The following CAMTA1 variants were observed in gnomAD, a reference collection of about 807,000 sequenced individuals.
The protein encoded by CAMTA1 is calmodulin-binding transcription activator 1.
CAMTA1 carries 27 observed loss-of-function variants against 170.9 expected under a neutral mutation model. That is an observed-to-expected ratio of 0.16 (90% CI 0.12 to 0.22). The LOEUF (loss-of-function observed/expected upper bound fraction) is 0.22, where lower values mean the gene tolerates loss of function less well. Among genes scored for constraint, CAMTA1 ranks in the 10% least tolerant of loss-of-function variants. The pLI is 1.00. For missense variants in CAMTA1, 1,619 were observed against 2,217.2 expected (o/e 0.73, Z 5.42); for synonymous variants, 833 against 891.5 (o/e 0.93, Z 1.17).
intron 5 of CAMTA1, among the ~76,000 whole-genome samples, chr1:7,338,715 G>T (rs1475406722): frequency 6.6e-6 from 1 of 152,208 alleles, no homozygotes; most frequent in Non-Finnish European, 1.5e-5. Flanking sequence ...AGTGGGGAAG[G>T]TGCCTGTGCA....
chr1:7,418,280 C>T (rs2091332877), intron 5 of CAMTA1, among the ~76,000 whole-genome samples: 1 of 152,208 alleles, frequency 6.6e-6, no homozygotes, highest in Non-Finnish European at 1.5e-5. Flanking sequence ...ACTGCAACCT[C>T]CACCTCCCAG....
rs1334849955 is a variant in CAMTA1, at chr1:7,013,461, CT to C, written c.235-77841del. 3.3e-5 allele frequency among the ~76,000 whole-genome samples: 5 copies of C among 152,244 alleles called. No individual in the cohort carries two copies. In the East Asian group the frequency reaches 9.7e-4, roughly 29 times the overall value. On this transcript the variant is annotated intron_variant, in intron 3 of 22. Transcript: ENST00000303635. ...CTCCTGGTCTCAAGTGATCCACCCA[CT>C]TCAGTCTCTCAAAGTGCTGGGATTA...
At chr1:7,513,196 C>A (rs1019096699) in intron 6 of CAMTA1, among the ~76,000 whole-genome samples, 1 of 152,004 alleles carries the variant, frequency 6.6e-6, no homozygotes, top group Non-Finnish European at 1.5e-5. Context: ...GAGAAGCGGC[C>A]GATTCTGGGC....
At chr1:7,061,776 G>T (rs1708252292) in intron 3 of CAMTA1, among the ~76,000 whole-genome samples, 1 of 151,840 alleles carries the variant, frequency 6.6e-6, no homozygotes, top group Admixed American at 6.6e-5. Context: ...AGTAGGGGCA[G>T]TGGCAGCAGA....
intron 3 of CAMTA1, among the ~76,000 whole-genome samples, chr1:6,938,887 G>A (rs545198346): frequency 4.6e-5 from 7 of 152,318 alleles, no homozygotes; most frequent in African/African-American, 1.7e-4. Context: ...AGATGGAGAC[G>A]TGTCACATTC....
chr1:6,837,309 G>A (rs937549143), intron 3 of CAMTA1, among the ~76,000 whole-genome samples: 1 of 152,090 alleles, frequency 6.6e-6, no homozygotes, highest in African/African-American at 2.4e-5. Flanking sequence ...AGGACAAGGC[G>A]CCGAGGTGCC....
In CAMTA1 at chr1:6,887,587, T is replaced by G. The variant is rs1571393600; in HGVS notation, c.234+62377T>G. The G allele has an allele frequency of 2.0e-6, 3 of 1,523,288 alleles. No homozygotes were observed. The highest frequency in any genetic ancestry group is 4.9e-5 in the East Asian group (2 of 40,668). 94.4% of individuals were successfully genotyped at this position (1,523,288 alleles called of 1,614,324 possible). A position where few individuals can be genotyped will look rare whatever the true frequency, so the allele number is the denominator to read the frequency against. On this transcript the variant is annotated intron_variant, in intron 3 of 22. Transcript: ENST00000303635. This position sits in a 1 kb window ranked among gnomAD's most constrained non-coding sequence, Gnocchi z 4.1. ...TCTCTGCCTCTGGAAATGGGGCAAA[T>G]TTTTCTTCAGTTAAAAACAGAAATA...
intron 3 of CAMTA1, among the ~76,000 whole-genome samples, chr1:6,958,262 C>T (rs188526098): frequency 6.6e-6 from 1 of 152,302 alleles, no homozygotes; most frequent in Admixed American, 6.5e-5. Context: ...TAACAGTTTT[C>T]AAAATAAACG....
intron 9 of CAMTA1, among the ~76,000 whole-genome samples, chr1:7,669,236 G>T (rs555960341): frequency 6.6e-6 from 1 of 152,382 alleles, no homozygotes; most frequent in South Asian, 2.1e-4. Context: ...CCAGGCTCAT[G>T]CAAGAGCAGG....
intron 5 of CAMTA1, among the ~76,000 whole-genome samples, chr1:7,436,750 G>T (rs2092360962): frequency 6.6e-6 from 1 of 152,154 alleles, no homozygotes; most frequent in Non-Finnish European, 1.5e-5. Context: ...TTATTAACTT[G>T]TAGTCCCTCG....
chr1:7,083,336 A>G (rs938256220), intron 3 of CAMTA1, among the ~76,000 whole-genome samples: 12 of 152,252 alleles, frequency 7.9e-5, no homozygotes, highest in Admixed American at 3.9e-4. Context: ...GTTGCATTCC[A>G]TGCAAATAAA....
intron 5 of CAMTA1, among the ~76,000 whole-genome samples, chr1:7,418,407 C>T (rs1165868570): frequency 6.6e-6 from 1 of 152,152 alleles, no homozygotes; most frequent in Non-Finnish European, 1.5e-5. Context: ...CCATGTTGCC[C>T]AGGCTTGTCT....
chr1:7,412,606 GT>G (rs202042859), intron 5 of CAMTA1, among the ~76,000 whole-genome samples: 22,885 of 152,000 alleles, frequency 0.15, 2,661 homozygotes, highest in East Asian at 0.5. Context: ...TGATGGGGTT[GT>G]TTTTTTCTTG....
At chr1:7,305,762 TTAGA>T (rs1216853768) in intron 5 of CAMTA1, among the ~76,000 whole-genome samples, 2 of 152,068 alleles carry the variant, frequency 1.3e-5, no homozygotes, top group African/African-American at 2.4e-5. Flanking sequence ...AATGGTTGCG[TTAGA>T]TAGTAAGTGT....
intron 5 of CAMTA1, among the ~76,000 whole-genome samples, chr1:7,319,587 A>AT (rs1678053422): frequency 1.3e-5 from 2 of 152,122 alleles, no homozygotes; most frequent in East Asian, 1.9e-4. Context: ...AGTCTCAGCT[A>AT]TTTTTTATGG....
At chr1:7,128,279 C>G (rs1362634202) in intron 4 of CAMTA1, among the ~76,000 whole-genome samples, 1 of 152,150 alleles carries the variant, frequency 6.6e-6, no homozygotes, top group Non-Finnish European at 1.5e-5. Flanking sequence ...AAGTCTTCAC[C>G]ATGAGTACAA....
intron 11 of CAMTA1, among the ~76,000 whole-genome samples, chr1:7,720,024 G>C (rs1273711907): frequency 6.6e-6 from 1 of 152,220 alleles, no homozygotes; most frequent in Non-Finnish European, 1.5e-5. Flanking sequence ...TCACTTACCT[G>C]CCAAGGCAAA....
At chr1:7,329,719 C>A (rs2082903236) in intron 5 of CAMTA1, among the ~76,000 whole-genome samples, 1 of 152,244 alleles carries the variant, frequency 6.6e-6, no homozygotes, top group South Asian at 2.1e-4. Flanking sequence ...AGAAGCGATA[C>A]CCCATCTCTT....
At position 7,680,007 on chromosome 1, in the gene CAMTA1, C is replaced by T. The variant is rs1448921220; in HGVS notation, c.2914+2274C>T. ...TTTTTCCCCCTAAATGAATACAAGG[C>T]ACTCACCCACCCAAGGGCCCAGCCT... On this transcript the variant is annotated intron_variant, in intron 11 of 22. Transcript: ENST00000303635. The surrounding 1 kb of genome is among the most constrained non-coding windows in gnomAD (Gnocchi z 4.4). 6.6e-6 allele frequency among the ~76,000 whole-genome samples: 1 copy of T among 152,216 alleles called. No homozygotes were observed. Among genetic ancestry groups the T allele is most frequent in the African/African-American group, 2.4e-5 (1 of 41,458 alleles).
Sources: gnomAD v4.1 joint callset for allele counts (sites outside exome capture counted in the v4.1 genomes callset) on GRCh38, gnomAD v4.1.1 for gene constraint, Gnocchi (gnomAD v3.1) non-coding constraint, MANE v1.5 for transcripts, NCBI Gene and HGNC (gene_info 2026-07-23, HGNC 2026-07-21) for gene names.